Variants in STPG2 observed in about 807,000 individuals in gnomAD.
STPG2 encodes the protein sperm tail PG-rich repeat containing 2, also known as sperm-tail PG-rich repeat-containing protein 2.
A neutral mutation model predicts 54.2 loss-of-function variants in STPG2; 56 were observed. That is an observed-to-expected ratio of 1.03 (90% confidence interval 0.83 to 1.29). The LOEUF is 1.29. Among genes scored for constraint, STPG2 ranks in the 50% most tolerant of loss-of-function variants. STPG2 has a pLI of 0.00. For missense variants in STPG2, 596 were observed against 544.9 expected (o/e 1.09, Z -0.93); for synonymous variants, 200 against 181.8 (o/e 1.10, Z -0.81).
At chr4:97,721,803 C>T (rs983602692) in intron 9 of STPG2, among the ~76,000 whole-genome samples, 2 of 152,042 alleles carry the variant, frequency 1.3e-5, no homozygotes, top group Admixed American at 1.3e-4. Flanking sequence ...ACATCAGAAA[C>T]TGTAAAACCT....
chr4:97,499,826 C>A (rs1730686714), intron 4 of STPG2, among the ~76,000 whole-genome samples: 1 of 151,936 alleles, frequency 6.6e-6, no homozygotes, highest in South Asian at 2.1e-4. Context: ...TGAGAAACAG[C>A]CAGCTAGACA....
At chr4:97,779,583 C>A (rs1259605564) in intron 9 of STPG2, among the ~76,000 whole-genome samples, 7 of 152,094 alleles carry the variant, frequency 4.6e-5, no homozygotes, top group Non-Finnish European at 1.0e-4. Context: ...ACAGAGACCA[C>A]CACAAAGATA....
intron 9 of STPG2, among the ~76,000 whole-genome samples, chr4:97,747,553 C>A (rs895986295): frequency 1.3e-5 from 2 of 151,324 alleles, no homozygotes; most frequent in African/African-American, 4.8e-5. Context: ...AATTCTCTGG[C>A]CATGCAAATA....
At chr4:97,503,434 A>G (rs958306188) in intron 4 of STPG2, among the ~76,000 whole-genome samples, 2 of 151,998 alleles carry the variant, frequency 1.3e-5, no homozygotes, top group Non-Finnish European at 2.9e-5. Flanking sequence ...TATATTTAAT[A>G]TTTCAAAATG....
chr4:98,087,200 A>G (rs928700988), intron 5 of STPG2, among the ~76,000 whole-genome samples: 21 of 151,874 alleles, frequency 1.4e-4, no homozygotes, highest in African/African-American at 5.1e-4. Context: ...ACCCAAAAAT[A>G]TGCTATCCAA....
intron 10 of STPG2, among the ~76,000 whole-genome samples, chr4:97,559,975 T>A (rs1334531190): frequency 6.6e-6 from 1 of 152,182 alleles, no homozygotes; most frequent in African/African-American, 2.4e-5. Flanking sequence ...TCATTTGTCC[T>A]CCACAAGTCT....
At chr4:97,875,832 G>A (rs536976072) in intron 8 of STPG2, among the ~76,000 whole-genome samples, 4 of 151,986 alleles carry the variant, frequency 2.6e-5, no homozygotes, top group Admixed American at 6.6e-5. Flanking sequence ...GATCAAGATT[G>A]ATTTGTCTTT....
At chr4:98,137,866 T>G (rs985798041) in intron 1 of STPG2, among the ~76,000 whole-genome samples, 5 of 151,952 alleles carry the variant, frequency 3.3e-5, no homozygotes, top group African/African-American at 1.2e-4. Context: ...TTCATTGAAG[T>G]TTTCCAAAAT....
At chr4:97,719,455 C>A (rs1397007191) in intron 9 of STPG2, among the ~76,000 whole-genome samples, 3 of 151,924 alleles carry the variant, frequency 2.0e-5, no homozygotes, top group Non-Finnish European at 4.4e-5. Context: ...AAATCATATT[C>A]TCTGAAAGTG....
intron 8 of STPG2, among the ~76,000 whole-genome samples, chr4:97,873,161 C>T (rs1351226976): frequency 6.6e-6 from 1 of 151,158 alleles, no homozygotes; most frequent in Non-Finnish European, 1.5e-5. Context: ...CAATTTAATT[C>T]TAGTTTTCTT....
At chr4:97,921,751 T>C (rs1179962839) in intron 8 of STPG2, among the ~76,000 whole-genome samples, 1 of 151,684 alleles carries the variant, frequency 6.6e-6, no homozygotes, top group African/African-American at 2.4e-5. Context: ...AGATCTGGAG[T>C]AGAAAATGAA....
rs147266812 is a variant in STPG2 at position 97,936,844 on chromosome 4, T to A, written c.1044+7053A>T. Among the ~76,000 whole-genome samples the A allele has an allele frequency of 1.1e-3, 174 of 152,256 alleles. 1 individual carries two copies. The highest frequency in any genetic ancestry group is 2.3e-3 in the South Asian group (11 of 4,826). On this transcript the variant is annotated intron_variant, in intron 8 of 10. Transcript: ENST00000295268. ...TTCATTTCAACCTTAGAGAATCTGA[T>A]GATTATGTGTCTTGGGGTTGATCTA...
chr4:97,558,558 T>G (rs913405796), downstream of STPG2, among the ~76,000 whole-genome samples: 1 of 152,202 alleles, frequency 6.6e-6, no homozygotes, highest in African/African-American at 2.4e-5. Flanking sequence ...GAGATCCACA[T>G]GGCAAGGAAC....
intron 7 of STPG2, among the ~76,000 whole-genome samples, chr4:97,963,870 T>A (rs763032862): frequency 6.6e-6 from 1 of 151,978 alleles, no homozygotes; most frequent in African/African-American, 2.4e-5. Flanking sequence ...TAATTTAGAG[T>A]ACATGTAGGT....
At chr4:97,463,008 C>A (rs1010269207) in intron 4 of STPG2, among the ~76,000 whole-genome samples, 2 of 152,026 alleles carry the variant, frequency 1.3e-5, no homozygotes, top group African/African-American at 4.8e-5. Flanking sequence ...AAGTCATTTA[C>A]AATAAATGAG....
intron 9 of STPG2, among the ~76,000 whole-genome samples, chr4:97,750,660 G>A (rs900674437): frequency 4.4e-4 from 67 of 151,820 alleles, no homozygotes; most frequent in African/African-American, 1.6e-3. Context: ...GTAAATGACT[G>A]CTAGGAACTT....
intron 10 of STPG2, among the ~76,000 whole-genome samples, chr4:97,682,991 T>C (rs1723078955): frequency 6.6e-6 from 1 of 151,844 alleles, no homozygotes. Flanking sequence ...ACTGTTGTCA[T>C]GTAGAAATGT....
At chr4:97,742,598 A>T (rs946906068) in intron 9 of STPG2, among the ~76,000 whole-genome samples, 3 of 149,998 alleles carry the variant, frequency 2.0e-5, no homozygotes, top group Non-Finnish European at 4.5e-5. Flanking sequence ...TCAGGTCTTT[A>T]AAAAGATCTT....
intron 9 of STPG2, among the ~76,000 whole-genome samples, chr4:97,770,957 T>C (rs373662573): frequency 1.2e-4 from 18 of 152,332 alleles, no homozygotes; most frequent in African/African-American, 4.1e-4. Flanking sequence ...AAATGTTTAA[T>C]AGGCACTTAG....
Sources: allele counts gnomAD v4.1 joint callset (sites outside exome capture counted in the v4.1 genomes callset), GRCh38; gene constraint gnomAD v4.1.1; transcripts MANE v1.5; gene names NCBI Gene and HGNC (gene_info 2026-07-23, HGNC 2026-07-21).